ANO4: variants seen among roughly 807,000 people sequenced by gnomAD.
ANO4 encodes the protein anoctamin 4.
In ANO4, 69 loss-of-function variants were observed where a neutral mutation model predicts 141.9. That is an observed-to-expected ratio of 0.49 (90% CI 0.40 to 0.59). The LOEUF (loss-of-function observed/expected upper bound fraction) is 0.59. Among genes scored for constraint, ANO4 ranks in the 20% least tolerant of loss-of-function variants. The pLI, the probability that ANO4 is intolerant of heterozygous loss-of-function variation, is 0.00. For synonymous variants in ANO4, 350 were observed against 394.3 expected (o/e 0.89, Z 1.33); for missense variants, 894 against 1,162.2 (o/e 0.77, Z 3.36).
intron 14 of ANO4, among the ~76,000 whole-genome samples, chr12:101,074,892 C>G (rs555575552): frequency 1.3e-4 from 20 of 152,232 alleles, no homozygotes; most frequent in Admixed American, 1.2e-3. Context: ...ATTTATGGAG[C>G]CTCTCTGCGT....
chr12:100,837,325 A>AC (rs1235702833), intron 1 of ANO4, among the ~76,000 whole-genome samples: 4 of 152,180 alleles, frequency 2.6e-5, no homozygotes, highest in Non-Finnish European at 5.9e-5. Context: ...AGATAAGGAA[A>AC]CCAAGATGCA....
At position 101,020,148 on chromosome 12, in the gene ANO4, G is replaced by A. The variant is rs1483976518; in HGVS notation, c.841+8G>A. On this transcript the variant is annotated splice_region_variant and intron_variant, in intron 9 of 27. Transcript: ENST00000392977. ...AAGGAAAAAACAAGATTGGTAAGTA[G>A]TATGTTAGTATAACAAACTACATTT... is the stretch of plus-strand genomic sequence containing the variant. 3.8e-6 allele frequency: 6 copies of A among 1,561,886 alleles called. No homozygotes were observed. Among genetic ancestry groups the A allele is most frequent in the African/African-American group, 1.4e-5 (1 of 73,412 alleles).
chr12:100,784,942 C>A (rs1306000579), intron 3 of ANO4, among the ~76,000 whole-genome samples: 2 of 149,756 alleles, frequency 1.3e-5, no homozygotes, highest in Non-Finnish European at 3.0e-5. Context: ...TTTTTTTCAT[C>A]TTTTCTTTCT....
At chr12:100,775,552 A>G (rs904616092) in intron 3 of ANO4, among the ~76,000 whole-genome samples, 5 of 152,198 alleles carry the variant, frequency 3.3e-5, no homozygotes, top group African/African-American at 9.7e-5. Context: ...TGACCTTGGG[A>G]ATATGTCTGT....
intron 3 of ANO4, among the ~76,000 whole-genome samples, chr12:100,934,605 T>C (rs2042211716): frequency 6.6e-6 from 1 of 152,124 alleles, no homozygotes; most frequent in Non-Finnish European, 1.5e-5. Context: ...AACTTTAAAG[T>C]AGTTTTTTCC....
chr12:101,108,610 T>G (rs2050541062), intron 22 of ANO4, among the ~76,000 whole-genome samples: 1 of 148,456 alleles, frequency 6.7e-6, no homozygotes, highest in South Asian at 2.1e-4. Context: ...TTGTTGTTAC[T>G]TTCTAAAATA....
At chr12:101,052,536 A>G (rs1370770856) in intron 14 of ANO4, among the ~76,000 whole-genome samples, 1 of 152,120 alleles carries the variant, frequency 6.6e-6, no homozygotes, top group Non-Finnish European at 1.5e-5. Context: ...CCAAAAGTTA[A>G]GTTATCCCCA....
At chr12:100,987,150 GT>G (rs1332196706) in intron 7 of ANO4, 1 of 173,212 alleles carries the variant, frequency 5.8e-6, no homozygotes, top group Non-Finnish European at 1.3e-5. Flanking sequence ...GACCTCAGAT[GT>G]TTTCCAAACA....
intron 1 of ANO4, among the ~76,000 whole-genome samples, chr12:100,900,328 A>C (rs1397576406): frequency 2.7e-5 from 4 of 148,568 alleles, no homozygotes; most frequent in Non-Finnish European, 5.9e-5. Flanking sequence ...TTATACTTTG[A>C]GTTCTAGGGT....
intron 1 of ANO4, among the ~76,000 whole-genome samples, chr12:100,811,243 C>T (rs1186890048): frequency 6.6e-6 from 1 of 152,066 alleles, no homozygotes; most frequent in Admixed American, 6.6e-5. Context: ...CTCACATATC[C>T]AATTGCTTTT....
rs563419188 is a variant in ANO4 at position 100,975,702 on chromosome 12, A to G, written c.602+813A>G. 3.2e-3 allele frequency among the ~76,000 whole-genome samples: 490 copies of G among 151,872 alleles called. 5 individuals are homozygous for G. The highest frequency in any genetic ancestry group is 0.011 in the African/African-American group (435 of 41,428). ...GCGATCCGCCCACCTCGGCCTCCCA[A>G]AGTGCTGAGATTACAGGGTGAGCCA... On this transcript the variant is annotated intron_variant, in intron 7 of 27. Transcript: ENST00000392977.
At chr12:101,009,352 C>A (rs1048318993) in intron 8 of ANO4, among the ~76,000 whole-genome samples, 1 of 152,088 alleles carries the variant, frequency 6.6e-6, no homozygotes, top group Non-Finnish European at 1.5e-5. Context: ...GGACTTTCAG[C>A]CTCCAGAACT....
At chr12:101,068,675 A>G (rs1260204567) in intron 14 of ANO4, 5 of 1,311,166 alleles carry the variant, frequency 3.8e-6, no homozygotes, top group Admixed American at 3.4e-5. Context: ...CTTATTAACT[A>G]TTAGAGTAGG....
intron 1 of ANO4, among the ~76,000 whole-genome samples, chr12:100,812,814 C>T (rs952459182): frequency 6.6e-6 from 1 of 152,178 alleles, no homozygotes; most frequent in African/African-American, 2.4e-5. Flanking sequence ...TCAAGCTTTG[C>T]AAGGCTGATT....
chr12:101,079,131 C>A, intron 14 of ANO4, 62 bp from the exon 15 acceptor site: 1 of 1,389,954 alleles, frequency 7.2e-7, no homozygotes, highest in Non-Finnish European at 1.0e-6. Context: ...TTCAGTGACA[C>A]AGTTAAGAGC....
chr12:101,007,427 T>C (rs1431598731), intron 8 of ANO4, among the ~76,000 whole-genome samples: 1 of 152,202 alleles, frequency 6.6e-6, no homozygotes, highest in Non-Finnish European at 1.5e-5. Flanking sequence ...ATGAGCATCA[T>C]GTGTATGTAA....
chr12:100,820,104 C>G (rs538808251), intron 1 of ANO4, among the ~76,000 whole-genome samples: 6 of 149,894 alleles, frequency 4.0e-5, no homozygotes, highest in African/African-American at 1.5e-4. Context: ...TCCCTTCCTT[C>G]CAGTTTAGTT....
intron 8 of ANO4, among the ~76,000 whole-genome samples, chr12:101,006,893 G>C (rs151237881): frequency 9.8e-5 from 15 of 152,310 alleles, no homozygotes; most frequent in African/African-American, 3.6e-4. Context: ...TCTTAAGTTT[G>C]TTAGTGGGTA....
At chr12:100,974,745 C>A in intron 6 of ANO4, 100 bp from the exon 7 acceptor site, 1 of 1,291,134 alleles carries the variant, frequency 7.7e-7, no homozygotes, top group Middle Eastern at 1.9e-4. Context: ...TCACCTCTTA[C>A]AGGCTTCTAT....
Sources: gnomAD v4.1 joint callset for allele counts (sites outside exome capture counted in the v4.1 genomes callset) on GRCh38, gnomAD v4.1.1 for gene constraint, MANE v1.5 for transcripts, NCBI Gene and HGNC (gene_info 2026-07-23, HGNC 2026-07-21) for gene names.